IQCH: variants seen among roughly 807,000 people sequenced by gnomAD.
IQCH encodes IQ motif containing H.
A neutral mutation model predicts 117.0 loss-of-function variants in IQCH; 98 were observed. The observed-to-expected ratio is 0.84, with a 90% CI of 0.71 to 0.99. The LOEUF is 0.99. IQCH is among the 50% of genes least tolerant of loss of function. The probability of loss-of-function intolerance (pLI) is 0.00; values close to 1 mark genes in which losing one functional copy is unlikely to be tolerated. For synonymous variants in IQCH, 412 were observed against 448.2 expected (o/e 0.92, Z 1.02); for missense variants, 1,102 against 1,243.8 (o/e 0.89, Z 1.72).
At chr15:67,286,898 C>G (rs1966584288) in intron 4 of IQCH, among the ~76,000 whole-genome samples, 1 of 152,172 alleles carries the variant, frequency 6.6e-6, no homozygotes, top group Non-Finnish European at 1.5e-5. Flanking sequence ...CAGGTGTGAG[C>G]CACCACGCCC....
chr15:67,396,553 G>GC (rs1971477765), intron 13 of IQCH, among the ~76,000 whole-genome samples: 1 of 152,136 alleles, frequency 6.6e-6, no homozygotes, highest in Admixed American at 6.5e-5. Context: ...CCATTTAACT[G>GC]CCATCTGTTT....
At chr15:67,293,473 G>A (rs12708493) in intron 4 of IQCH, among the ~76,000 whole-genome samples, 45,117 of 151,844 alleles carry the variant, frequency 0.3, 6,900 homozygotes, top group South Asian at 0.38. Context: ...TTAAATAATC[G>A]CTAGATTATT....
At chr15:67,270,740 A>G (rs769739822) in intron 3 of IQCH, among the ~76,000 whole-genome samples, 2 of 152,170 alleles carry the variant, frequency 1.3e-5, no homozygotes, top group African/African-American at 2.4e-5. Flanking sequence ...TGCTAGCACT[A>G]TGTTTCTTTT....
In IQCH at chr15:67,279,387, T is replaced by C. The variant is rs1269212751; in HGVS notation, c.270-8T>C. ...ATTTGATTTTAAATTCCATTTCTTC[T>C]TACTTAGGTTACTTCCAACTGTAAT... On this transcript the variant is annotated splice_region_variant and splice_polypyrimidine_tract_variant and intron_variant, in intron 3 of 20. Transcript: ENST00000335894. 2 of 1,418,008 alleles carry C rather than the reference T, an allele frequency of 1.4e-6. No individual in the cohort carries two copies. The highest frequency in any genetic ancestry group is 2.0e-6 in the Non-Finnish European group (2 of 1,014,514). The allele number at this position is 1,418,008 out of a possible 1,614,324, so 87.8% of individuals were successfully genotyped here.
In IQCH at chr15:67,431,077, C is replaced by A. The variant is rs567506680; in HGVS notation, c.2505+9500C>A. Among the ~76,000 whole-genome samples, 2 of 152,070 alleles carry A rather than the reference C, an allele frequency of 1.3e-5. No individual in the cohort carries two copies. Among genetic ancestry groups the A allele is most frequent in the African/African-American group, 4.8e-5 (2 of 41,480 alleles). Reference sequence around the variant, plus strand: ...TGAGGAGGGTAAGAAAGAGTGTATTCCAAGTGAGAAACAGGCTCACTTGGT... The same window carrying A: ...TGAGGAGGGTAAGAAAGAGTGTATTACAAGTGAGAAACAGGCTCACTTGGT... On this transcript the variant is annotated intron_variant, in intron 16 of 20. Transcript: ENST00000335894. The surrounding 1 kb of genome is among the most constrained non-coding windows in gnomAD (Gnocchi z 4.8).
intron 12 of IQCH, among the ~76,000 whole-genome samples, chr15:67,394,259 C>A (rs542674433): frequency 2.5e-4 from 38 of 152,312 alleles, no homozygotes; most frequent in Non-Finnish European, 4.7e-4. Flanking sequence ...TACTAGCTAA[C>A]ATTCATTAAG....
At chr15:67,317,701 G>T (rs557774626) in intron 4 of IQCH, among the ~76,000 whole-genome samples, 9 of 151,966 alleles carry the variant, frequency 5.9e-5, no homozygotes, top group Non-Finnish European at 1.2e-4. Flanking sequence ...ATATCTTCTA[G>T]GGTACCTTAC....
chr15:67,373,525 T>A, intron 10 of IQCH, 92 bp downstream of exon 10: 1 of 876,588 alleles, frequency 1.1e-6, no homozygotes. Flanking sequence ...CCCCTTGTTT[T>A]ATTCAAATTG....
intron 3 of IQCH, among the ~76,000 whole-genome samples, chr15:67,267,236 A>G (rs1311801327): frequency 1.3e-5 from 2 of 152,170 alleles, no homozygotes; most frequent in Non-Finnish European, 2.9e-5. Context: ...CACATGACCA[A>G]TGGCATCATC....
At chr15:67,266,378 T>C (rs115590171) in intron 3 of IQCH, among the ~76,000 whole-genome samples, 2,149 of 152,166 alleles carry the variant, frequency 0.014, 45 homozygotes, top group African/African-American at 0.049. Flanking sequence ...CATACTCCGC[T>C]GGGTGCGGTG....
Position 67,372,629 on chromosome 15 carries a change from G to A in IQCH, c.1272G>A (p.Gln424=), listed in dbSNP as rs1484591774. 2 of 1,607,532 alleles carry A rather than the reference G, an allele frequency of 1.2e-6. No individual in the cohort carries two copies. The highest frequency in any genetic ancestry group is 3.4e-5 in the Admixed American group (2 of 59,074). Residue 424 remains glutamine (Q), a synonymous_variant, in exon 9 of 21, where the codon CAG becomes CAA. Coordinates refer to ENST00000335894, the MANE Select transcript of IQCH (RefSeq NM_001031715.3). ...AGAAGATACTAAAGGAATCACGTCA[G>A]AGACACCTGGAGAATTTTCGCATTC... is the stretch of plus-strand genomic sequence containing the variant. The part of the protein sequence containing the change: ...RLKKILKESR[Q]RHLENFRIRA...
At chr15:67,358,037 T>G (rs1969968319) in intron 7 of IQCH, among the ~76,000 whole-genome samples, 1 of 151,426 alleles carries the variant, frequency 6.6e-6, no homozygotes. Flanking sequence ...TTTTGTATTT[T>G]TAGTAGAGAC....
rs772278812 is a variant in IQCH at position 67,427,670 on chromosome 15, C to T, written c.2505+6093C>T. Among the ~76,000 whole-genome samples the T allele has an allele frequency of 6.6e-6, 1 of 152,086 alleles. No homozygotes were observed. The highest frequency in any genetic ancestry group is 1.5e-5 in the Non-Finnish European group (1 of 68,026). On this transcript the variant is annotated intron_variant, in intron 16 of 20. Coordinates refer to ENST00000335894, the MANE Select transcript of IQCH (RefSeq NM_001031715.3). The surrounding 1 kb of genome is among the most constrained non-coding windows in gnomAD (Gnocchi z 4.7). ...TTTATTTCAATAACATTTTAAAGCA[C>T]TTATTTTCTGTATCAGCAAATTCAA...
intron 3 of IQCH, among the ~76,000 whole-genome samples, chr15:67,275,249 C>T (rs1220626913): frequency 6.6e-6 from 1 of 152,184 alleles, no homozygotes; most frequent in East Asian, 1.9e-4. Flanking sequence ...ACCTTGATCT[C>T]ACTTTAGAAT....
intron 10 of IQCH, chr15:67,374,297 C>T (rs1291747405): frequency 1.3e-5 from 2 of 152,214 alleles, no homozygotes; most frequent in African/African-American, 4.8e-5. Context: ...CAGCACAACC[C>T]ATTGAATCTC....
At chr15:67,352,119 A>G (rs1969687626) in intron 6 of IQCH, among the ~76,000 whole-genome samples, 1 of 151,900 alleles carries the variant, frequency 6.6e-6, no homozygotes, top group Non-Finnish European at 1.5e-5. Context: ...TTATTTTGGA[A>G]TTGATACATT....
intron 16 of IQCH, among the ~76,000 whole-genome samples, chr15:67,446,975 TCA>T (rs2082405736): frequency 6.6e-6 from 1 of 152,172 alleles, no homozygotes; most frequent in Non-Finnish European, 1.5e-5. Context: ...CAGTGCCCTC[TCA>T]CATTCTGCCA....
At chr15:67,255,796 G>C (rs941678467) in intron 1 of IQCH, among the ~76,000 whole-genome samples, 1 of 152,152 alleles carries the variant, frequency 6.6e-6, no homozygotes, top group Non-Finnish European at 1.5e-5. Flanking sequence ...ATCTAGGAGA[G>C]ACTTCCCTAA....
chr15:67,439,119 C>T (rs1050982297), intron 16 of IQCH, among the ~76,000 whole-genome samples: 18 of 152,236 alleles, frequency 1.2e-4, no homozygotes, highest in Admixed American at 3.3e-4. Flanking sequence ...TATTCAACAG[C>T]GCATGGAACT....
Sources: allele counts gnomAD v4.1 joint callset (sites outside exome capture counted in the v4.1 genomes callset), GRCh38; gene constraint gnomAD v4.1.1; non-coding constraint Gnocchi (gnomAD v3.1); transcripts MANE v1.5; gene names NCBI Gene and HGNC (gene_info 2026-07-23, HGNC 2026-07-21).